The following CBR4 variants were observed in gnomAD, a reference collection of about 807,000 sequenced individuals.
CBR4 encodes carbonyl reductase 4.
CBR4 carries 22 observed loss-of-function variants against 21.0 expected under a neutral mutation model. That is an observed-to-expected ratio of 1.05 (90% confidence interval 0.75 to 1.50). The LOEUF is 1.50. Among genes scored for constraint, CBR4 ranks in the 40% most tolerant of loss-of-function variants. The pLI is 0.00. For synonymous variants in CBR4, 100 were observed against 104.4 expected, an observed-to-expected ratio of 0.96 and a Z score of 0.26; for missense variants, 302 against 286.3, an observed-to-expected ratio of 1.05 and a Z score of -0.40.
chr4:168,953,403 CT>C (rs1256122248), intron 2 of CBR4, among the ~76,000 whole-genome samples: 1 of 152,020 alleles, frequency 6.6e-6, no homozygotes, highest in Non-Finnish European at 1.5e-5. Context: ...TTAATAAAAC[CT>C]ACATTCACTC....
intron 2 of CBR4, among the ~76,000 whole-genome samples, chr4:168,955,378 AACTG>A (rs1236032111): frequency 1.3e-5 from 2 of 152,248 alleles, no homozygotes; most frequent in African/African-American, 4.8e-5. Context: ...GTTAATATAT[AACTG>A]ATAAATAGAA....
chr4:168,937,577 C>A (rs1208343018), intron 2 of CBR4, among the ~76,000 whole-genome samples: 1 of 148,998 alleles, frequency 6.7e-6, no homozygotes, highest in Non-Finnish European at 1.5e-5. Context: ...ATCTCACGTG[C>A]AAAGACACAC....
At chr4:168,942,802 A>G (rs1039964793) in intron 2 of CBR4, among the ~76,000 whole-genome samples, 26 of 152,246 alleles carry the variant, frequency 1.7e-4, no homozygotes, top group African/African-American at 5.8e-4. Context: ...ATTAAAAAAT[A>G]GGCAAGGGAT....
At chr4:168,949,112 A>C (rs2126697496) in intron 2 of CBR4, among the ~76,000 whole-genome samples, 1 of 151,998 alleles carries the variant, frequency 6.6e-6, no homozygotes, top group East Asian at 1.9e-4. Flanking sequence ...AGAGTATTTA[A>C]ATTTTTTTGC....
chr4:168,991,626 A>G (rs1360148672), intron 4 of CBR4, among the ~76,000 whole-genome samples: 2 of 152,210 alleles, frequency 1.3e-5, no homozygotes, highest in Admixed American at 1.3e-4. Flanking sequence ...AACCAATCCT[A>G]AATAACTACA....
At chr4:168,962,042 T>C (rs903344890) in intron 2 of CBR4, among the ~76,000 whole-genome samples, 1 of 151,588 alleles carries the variant, frequency 6.6e-6, no homozygotes, top group Admixed American at 6.6e-5. Flanking sequence ...AAAACCATTA[T>C]ATTAAAGAGT....
rs116057297 is a variant in CBR4, at chr4:168,896,432, G to A, written n.170-1667C>T. 4.2e-3 allele frequency: 2,912 copies of A among 688,784 alleles called. 8 individuals carry two copies. The highest frequency in any genetic ancestry group is 5.6e-3 in the Non-Finnish European group (2,141 of 381,310). 42.7% of individuals were successfully genotyped at this position (688,784 alleles called of 1,614,324 possible). ...TGGTTGTGTGAGTACTCACAGCACC[G>A]TTACTACCAAACGCATATTGCTAGC... On this transcript the variant is annotated intron_variant and non_coding_transcript_variant, in intron 2 of 3. Coordinates refer to the CBR4 transcript ENST00000509108.
At chr4:168,973,851 T>C (rs1411947712) in intron 2 of CBR4, among the ~76,000 whole-genome samples, 1 of 152,260 alleles carries the variant, frequency 6.6e-6, no homozygotes, top group Non-Finnish European at 1.5e-5. Flanking sequence ...CATAGTAGTC[T>C]TGAATGATCT....
At chr4:168,899,734 T>C (rs889061753) in intron 2 of CBR4, among the ~76,000 whole-genome samples, 2 of 151,968 alleles carry the variant, frequency 1.3e-5, no homozygotes, top group African/African-American at 2.4e-5. Flanking sequence ...CTGGCCAACA[T>C]GGTGAAACCC....
intron 2 of CBR4, among the ~76,000 whole-genome samples, chr4:168,906,529 T>A (rs940472753): frequency 6.6e-6 from 1 of 152,086 alleles, no homozygotes; most frequent in African/African-American, 2.4e-5. Flanking sequence ...CTGCTGAAAA[T>A]CTCCCTTGGA....
intron 2 of CBR4, among the ~76,000 whole-genome samples, chr4:168,930,065 T>C (rs1762927411): frequency 6.6e-6 from 1 of 152,206 alleles, no homozygotes; most frequent in Admixed American, 6.5e-5. Context: ...AAAATTATAT[T>C]ACAAATATTG....
intron 2 of CBR4, among the ~76,000 whole-genome samples, chr4:168,905,184 T>C (rs570453970): frequency 3.9e-4 from 46 of 119,282 alleles, no homozygotes; most frequent in Middle Eastern, 5.8e-3. Context: ...GGAATCTCAC[T>C]CTGTCGCCCA....
intron 2 of CBR4, among the ~76,000 whole-genome samples, chr4:168,954,818 A>C (rs1763638712): frequency 6.6e-6 from 1 of 152,246 alleles, no homozygotes; most frequent in Non-Finnish European, 1.5e-5. Context: ...CCTAAACAAC[A>C]GCTATGCAGC....
chr4:168,937,087 A>G (rs564085998), intron 2 of CBR4, among the ~76,000 whole-genome samples: 4 of 152,224 alleles, frequency 2.6e-5, no homozygotes, highest in Non-Finnish European at 5.9e-5. Context: ...CACAAGAGGA[A>G]GCCCATCAGA....
intron 2 of CBR4, among the ~76,000 whole-genome samples, chr4:168,904,921 G>A (rs1032625188): frequency 5.9e-5 from 9 of 151,964 alleles, no homozygotes; most frequent in Non-Finnish European, 1.0e-4. Flanking sequence ...CAGCCCCGGA[G>A]TTTGAGACCA....
chr4:168,916,042 T>C lies in CBR4; in HGVS notation n.170-21277A>G, dbSNP rs977479187. 9 of 1,611,322 alleles carry C rather than the reference T, an allele frequency of 5.6e-6. No homozygotes were observed. The highest frequency in any genetic ancestry group is 4.0e-5 in the African/African-American group (3 of 74,922). ...TGGACTGCAAAGTAAGATTTTGTTA[T>C]TGCTTGCATATCCTATTGCCCCACT... is the stretch of plus-strand genomic sequence containing the variant. On this transcript the variant is annotated intron_variant and non_coding_transcript_variant, in intron 2 of 3. Transcript: ENST00000509108.
Position 168,967,771 on chromosome 4 carries a change from A to AC in CBR4, n.169+34299dup, listed in dbSNP as rs528595731. On this transcript the variant is annotated intron_variant and non_coding_transcript_variant, in intron 2 of 3. Coordinates refer to the CBR4 transcript ENST00000509108. Reference sequence around the variant, plus strand: ...ATCTCAAACAAACAAAAACTGATAGACCATGGTATTGAGAGAAATTCTAGA... The same window carrying AC: ...ATCTCAAACAAACAAAAACTGATAGACCCATGGTATTGAGAGAAATTCTAGA... Among the ~76,000 whole-genome samples the AC allele has an allele frequency of 2.8e-4, 42 of 152,204 alleles. 1 individual carries two copies. The highest frequency in any genetic ancestry group is 4.7e-4 in the Non-Finnish European group (32 of 68,028).
chr4:168,965,550 GATAT>G (rs1763997199), intron 2 of CBR4, among the ~76,000 whole-genome samples: 1 of 152,050 alleles, frequency 6.6e-6, no homozygotes, highest in African/African-American at 2.4e-5. Context: ...TACCAAAACA[GATAT>G]ATAGACCAAT....
In CBR4 at chr4:168,989,547, T is replaced by C. The variant is rs747288801; in HGVS notation, c.*603A>G. The C allele has an allele frequency of 1.8e-4, 174 of 985,402 alleles. No homozygotes were observed. Among genetic ancestry groups the C allele is most frequent in the Non-Finnish European group, 2.0e-4 (169 of 829,914 alleles). 61.0% of individuals were successfully genotyped at this position (985,402 alleles called of 1,614,324 possible). ...CCAAGCACATGCAAAAGGAATATAG[T>C]TATCTTTAGTGGGCTTGCTAAAGTA... is the stretch of plus-strand genomic sequence containing the variant. On this transcript the variant is annotated 3_prime_UTR_variant, in exon 5 of 5. Transcript: ENST00000306193.
Sources: gnomAD v4.1 joint callset for allele counts (sites outside exome capture counted in the v4.1 genomes callset) on GRCh38, gnomAD v4.1.1 for gene constraint, MANE v1.5 for transcripts, NCBI Gene and HGNC (gene_info 2026-07-23, HGNC 2026-07-21) for gene names.